CMTM4: variants seen among roughly 807,000 people sequenced by gnomAD.
CMTM4 encodes CKLF-like MARVEL transmembrane domain-containing protein 4.
Under a neutral mutation model 19.0 loss-of-function variants are expected in CMTM4, and 8 were observed. The ratio of observed to expected loss-of-function variants is 0.42; its 90% CI spans 0.25 to 0.76. CMTM4 has a LOEUF of 0.76. Ranked by LOEUF, CMTM4 falls within the 30% of genes least tolerant of loss-of-function variation. CMTM4 has a pLI of 0.27. For synonymous variants in CMTM4, 106 were observed against 121.1 expected (o/e 0.88, Z 0.82); for missense variants, 228 against 290.2 (o/e 0.79, Z 1.56).
intron 1 of CMTM4, among the ~76,000 whole-genome samples, chr16:66,640,094 C>T (rs562138497): frequency 6.6e-6 from 1 of 151,788 alleles, no homozygotes; most frequent in Non-Finnish European, 1.5e-5. Context: ...GAGGCCGAGG[C>T]GGGTGGATCA....
At chr16:66,674,008 T>G (rs908526750) in intron 1 of CMTM4, among the ~76,000 whole-genome samples, 1 of 152,220 alleles carries the variant, frequency 6.6e-6, no homozygotes, top group Non-Finnish European at 1.5e-5. Flanking sequence ...CATCAGCCCC[T>G]GCCAGACAAG....
rs571324786 is a variant in CMTM4, at chr16:66,625,280, C to T, written c.364-1778G>A. ...AAAAACCCCGTCTCTACTAAAAATA[C>T]AAAATTAGCCGGGTGTGGTGGCACA... On this transcript the variant is annotated intron_variant, in intron 2 of 3. Transcript: ENST00000394106. Among the ~76,000 whole-genome samples, 334 of 151,678 alleles carry T rather than the reference C, an allele frequency of 2.2e-3. 6 individuals carry two copies. The highest frequency in any genetic ancestry group is 1.2e-3 in the Non-Finnish European group (84 of 67,870).
At chr16:66,643,634 C>A (rs1417849304) in intron 1 of CMTM4, among the ~76,000 whole-genome samples, 1 of 152,170 alleles carries the variant, frequency 6.6e-6, no homozygotes, top group Non-Finnish European at 1.5e-5. Context: ...ACTATAAATG[C>A]ACTAAACGTT....
At chr16:66,614,358 G>A (rs1386593623), downstream of CMTM4, among the ~76,000 whole-genome samples, 3 of 152,210 alleles carry the variant, frequency 2.0e-5, no homozygotes, top group East Asian at 1.9e-4. The surrounding 1 kb of genome is among the most constrained non-coding windows in gnomAD (Gnocchi z 4.9). Context: ...AGTGTCTCAC[G>A]GCAGCCTCAG....
At chr16:66,631,062 C>T (rs1197389315) in intron 2 of CMTM4, among the ~76,000 whole-genome samples, 11 of 151,868 alleles carry the variant, frequency 7.2e-5, no homozygotes, top group Admixed American at 2.6e-4. Context: ...CTCCGCCCGG[C>T]GGCCACCCCA....
the CMTM4 span, chr16:66,604,629 G>A: frequency 2.5e-5 from 11 of 443,716 alleles, no homozygotes; most frequent in East Asian, 3.9e-4. Flanking sequence ...GGGGTCCGAG[G>A]GGGAGGGGCG....
At chr16:66,605,245 G>A in the CMTM4 span, 3 of 280,264 alleles carry the variant, frequency 1.1e-5, no homozygotes, top group South Asian at 3.9e-4. The surrounding 1 kb of genome is among the most constrained non-coding windows in gnomAD (Gnocchi z 4.6). Context: ...TGCTGTGTGA[G>A]CCAGGCGCCC....
chr16:66,617,501 G>A lies in CMTM4; in HGVS notation c.*4557C>T, dbSNP rs2144771318. On this transcript the variant is annotated 3_prime_UTR_variant, in exon 4 of 4. Coordinates refer to ENST00000394106, the MANE Select transcript of CMTM4 (RefSeq NM_181521.3). ...TGTACAAAATGCCACTCACTTGCAT[G>A]AAGAAGAATTAAACAGAACATTCAC... The A allele has an allele frequency of 7.0e-7, 1 of 1,419,088 alleles. No individual in the cohort carries two copies. The highest frequency in any genetic ancestry group is 1.6e-5 in the South Asian group (1 of 63,992). 87.9% of individuals were successfully genotyped at this position (1,419,088 alleles called of 1,614,324 possible).
chr16:66,661,230 G>A (rs2016494145), intron 1 of CMTM4, among the ~76,000 whole-genome samples: 1 of 152,312 alleles, frequency 6.6e-6, no homozygotes, highest in Admixed American at 6.5e-5. Context: ...AAGGTAATAA[G>A]CTTCAAAATT....
intron 1 of CMTM4, among the ~76,000 whole-genome samples, chr16:66,655,893 A>T (rs1478556306): frequency 2.6e-5 from 4 of 152,132 alleles, no homozygotes; most frequent in Non-Finnish European, 2.9e-5. Flanking sequence ...TAAGGCATGA[A>T]GATACTAGAA....
In CMTM4 at chr16:66,670,628, C is replaced by T. The variant is rs538898669; in HGVS notation, c.186+25712G>A. 2.0e-4 allele frequency among the ~76,000 whole-genome samples: 31 copies of T among 151,856 alleles called. No homozygotes were observed. The East Asian group carries it at 5.6e-3, about 28-fold the overall frequency. ...CATCCTGGCCAACATGGTGAAACCC[C>T]GTCTTTACTAAAAATACAAAAATTA... On this transcript the variant is annotated intron_variant, in intron 1 of 3. Coordinates refer to ENST00000394106, the MANE Select transcript of CMTM4 (RefSeq NM_181521.3).
chr16:66,651,044 G>C (rs984018567), intron 1 of CMTM4, among the ~76,000 whole-genome samples: 2 of 152,152 alleles, frequency 1.3e-5, no homozygotes, highest in African/African-American at 4.8e-5. Context: ...GACAGGGCTT[G>C]TATTTAACCA....
Position 66,620,176 on chromosome 16 carries a change from G to T in CMTM4, c.*1882C>A. 1 of 985,420 alleles carries T rather than the reference G, an allele frequency of 1.0e-6. No individual in the cohort carries two copies. The highest frequency in any genetic ancestry group is 1.2e-6 in the Non-Finnish European group (1 of 829,944). The allele number at this position is 985,420 out of a possible 1,614,324, so 61.0% of individuals were successfully genotyped here. ...AGCTCAGGATGGTCCTTCCAAGTGG[G>T]CCCCATTTAATGCAAGGCTGAGCCT... On this transcript the variant is annotated 3_prime_UTR_variant, in exon 4 of 4. Coordinates refer to ENST00000394106, the MANE Select transcript of CMTM4 (RefSeq NM_181521.3).
Position 66,622,933 on chromosome 16 carries a change from G to A in CMTM4, c.462+471C>T, listed in dbSNP as rs1022846932. Among the ~76,000 whole-genome samples, 2 of 152,242 alleles carry A rather than the reference G, an allele frequency of 1.3e-5. No homozygotes were observed. The highest frequency in any genetic ancestry group is 2.9e-5 in the Non-Finnish European group (2 of 68,038). ...AAACTGAGAACAATACAGAAATGCAGGGCATGGAGAGGGGAAGTCCTACAT... is the reference window on the plus strand; with the variant it reads ...AAACTGAGAACAATACAGAAATGCAAGGCATGGAGAGGGGAAGTCCTACAT... On this transcript the variant is annotated intron_variant, in intron 3 of 3. Coordinates refer to ENST00000394106, the MANE Select transcript of CMTM4 (RefSeq NM_181521.3). This position sits in a 1 kb window ranked among gnomAD's most constrained non-coding sequence, Gnocchi z 4.0.
chr16:66,681,687 A>G (rs2050140003), intron 1 of CMTM4, among the ~76,000 whole-genome samples: 1 of 152,200 alleles, frequency 6.6e-6, no homozygotes. Flanking sequence ...CAAGCGCTCA[A>G]TAGCCACAGT....
At chr16:66,668,629 T>C (rs1474586476) in intron 1 of CMTM4, among the ~76,000 whole-genome samples, 1 of 152,314 alleles carries the variant, frequency 6.6e-6, no homozygotes, top group East Asian at 1.9e-4. Context: ...AAATCTAGAA[T>C]GTCATATATT....
At chr16:66,639,425 G>A (rs566589909) in intron 1 of CMTM4, among the ~76,000 whole-genome samples, 1 of 152,168 alleles carries the variant, frequency 6.6e-6, no homozygotes, top group East Asian at 1.9e-4. Context: ...GAACAAAACA[G>A]ACAAAAACTC....
intron 1 of CMTM4, among the ~76,000 whole-genome samples, chr16:66,650,992 G>GTC (rs1208287523): frequency 6.6e-6 from 1 of 152,150 alleles, no homozygotes; most frequent in East Asian, 1.9e-4. Flanking sequence ...AAATTCAAAT[G>GTC]TCTCTATTCC....
chr16:66,603,479 G>A, the CMTM4 span, among the ~76,000 whole-genome samples: 1 of 151,970 alleles, frequency 6.6e-6, no homozygotes, highest in Non-Finnish European at 1.5e-5. Flanking sequence ...AGTAGACACG[G>A]GGTTTCACTA....
Sources: allele counts gnomAD v4.1 joint callset (sites outside exome capture counted in the v4.1 genomes callset), GRCh38; gene constraint gnomAD v4.1.1; non-coding constraint Gnocchi (gnomAD v3.1); transcripts MANE v1.5; gene names NCBI Gene and HGNC (gene_info 2026-07-23, HGNC 2026-07-21).